The following OPTN variants were observed in gnomAD, a reference collection of about 807,000 sequenced individuals.
OPTN encodes the protein optineurin.
Under a neutral mutation model 70.4 loss-of-function variants are expected in OPTN, and 54 were observed. That is an observed-to-expected ratio of 0.77 (90% CI 0.62 to 0.96). OPTN has a LOEUF of 0.96. Ranked by LOEUF, OPTN falls within the 40% of genes least tolerant of loss-of-function variation. The pLI, the probability that OPTN is intolerant of heterozygous loss-of-function variation, is 0.00. For missense variants in OPTN, 624 were observed against 673.2 expected (o/e 0.93, Z 0.81); for synonymous variants, 256 against 248.5 (o/e 1.03, Z -0.28).
chr10:13,104,884 G>T (rs138434140), intron 1 of OPTN: 1 of 296,556 alleles, frequency 3.4e-6, no homozygotes, highest in East Asian at 7.9e-5. Context: ...GGGCCCGACC[G>T]CAGGACCGGG....
chr10:13,122,670 G>A (rs1343756911), intron 8 of OPTN, among the ~76,000 whole-genome samples, 183 bp downstream of exon 8: 1 of 152,100 alleles, frequency 6.6e-6, no homozygotes, highest in African/African-American at 2.4e-5. Flanking sequence ...GTAGCGAGAT[G>A]TATTTCTTTT....
rs1218269761 is a variant in OPTN, at chr10:13,126,006, A to C, written c.1209A>C (p.Ala403=). 1 of 1,611,846 alleles carries C rather than the reference A, an allele frequency of 6.2e-7. No homozygotes were observed. Among genetic ancestry groups the C allele is most frequent in the African/African-American group, 1.3e-5 (1 of 74,890 alleles). Residue 403 remains alanine, a synonymous_variant, in exon 11 of 15, where the codon GCA becomes GCC. Transcript: ENST00000378747. ...AGCTTCTTCAAGAACATAATAATGC[A>C]TTGAAAACAATTGAGGAACTAACAA... The part of the protein sequence containing the change: ...HNKLLQEHNN[A]LKTIEELTRK...
intron 11 of OPTN, among the ~76,000 whole-genome samples, chr10:13,127,512 T>A (rs10796028): frequency 2.6e-5 from 4 of 151,998 alleles, no homozygotes; most frequent in African/African-American, 9.7e-5. Context: ...TTAGCGTTGC[T>A]GATTAATAGA....
chr10:13,131,853 GTGT>G lies in OPTN; in HGVS notation c.1402-209_1402-207del, dbSNP rs539730624. Among the ~76,000 whole-genome samples the G allele has an allele frequency of 5.3e-5, 8 of 152,284 alleles. No individual in the cohort carries two copies. In the South Asian group the frequency reaches 1.7e-3, roughly 32 times the overall value. ...CTATATCAGTGCAGTTGCAGGATTT[GTGT>G]TGTTTAAAGCACACACACAAACACA... On this transcript the variant is annotated intron_variant, in intron 12 of 14. Coordinates refer to ENST00000378747, the MANE Select transcript of OPTN (RefSeq NM_001008212.2).
chr10:13,136,632 A>T, intron 14 of OPTN, 113 bp from the exon 15 acceptor site: 1 of 1,249,912 alleles, frequency 8.0e-7, no homozygotes, highest in Non-Finnish European at 1.1e-6. Flanking sequence ...ATGTCCCACT[A>T]CGTGTTGAAT....
intron 14 of OPTN, among the ~76,000 whole-genome samples, chr10:13,134,127 C>T (rs1490547044): frequency 6.6e-6 from 1 of 152,186 alleles, no homozygotes; most frequent in Non-Finnish European, 1.5e-5. Flanking sequence ...CACTTTTAAA[C>T]CGTGTCTCCC....
At chr10:13,126,358 G>A (rs1833462844) in intron 11 of OPTN, among the ~76,000 whole-genome samples, 1 of 149,946 alleles carries the variant, frequency 6.7e-6, no homozygotes, top group Non-Finnish European at 1.5e-5. Context: ...TCGGCTCACT[G>A]CAAGCTCCGC....
chr10:13,133,417 C>T (rs756519972), intron 13 of OPTN, 85 bp from the exon 14 acceptor site: 27 of 1,205,132 alleles, frequency 2.2e-5, no homozygotes, highest in African/African-American at 9.0e-5. Context: ...TCTTTTTTCC[C>T]CTACTTCTGT....
Position 13,114,797 on chromosome 10 carries a change from T to C in OPTN, c.553-1470T>C, listed in dbSNP as rs1247132251. ...ATATAATTATATAATTATATAATTA[T>C]ATATACATATATATAATTATATAAT... On this transcript the variant is annotated intron_variant, in intron 5 of 14. Transcript: ENST00000378747. Among the ~76,000 whole-genome samples, 7 of 83,762 alleles carry C rather than the reference T, an allele frequency of 8.4e-5. 2 individuals are homozygous for C. The East Asian group carries it at 2.2e-3, about 27-fold the overall frequency. The allele number at this position is 83,762 out of a possible 152,430, so 55.0% of individuals were successfully genotyped here.
chr10:13,103,040 A>G (rs745391542), intron 1 of OPTN, among the ~76,000 whole-genome samples: 12 of 152,110 alleles, frequency 7.9e-5, no homozygotes, highest in Non-Finnish European at 1.5e-4. Context: ...GGGAAGAATC[A>G]AGCCTTACTC....
intron 1 of OPTN, among the ~76,000 whole-genome samples, chr10:13,101,456 G>T (rs1376051803): frequency 1.7e-5 from 2 of 118,608 alleles, no homozygotes; most frequent in Non-Finnish European, 3.2e-5. Context: ...ACTGGACACT[G>T]TATTATGTCC....
chr10:13,137,115 CCAAAATTA>C lies in OPTN; in HGVS notation c.*255_*262del. 1 of 491,822 alleles carries C rather than the reference CCAAAATTA, an allele frequency of 2.0e-6. No individual in the cohort carries two copies. Among genetic ancestry groups the C allele is most frequent in the Non-Finnish European group, 3.7e-6 (1 of 267,780 alleles). 30.5% of individuals were successfully genotyped at this position (491,822 alleles called of 1,614,324 possible). A position where few individuals can be genotyped will look rare whatever the true frequency, so the allele number is the denominator to read the frequency against. ...CCAACATGGCGGAACCCTGTCTCTA[CCAAAATTA>C]CAAAAATTAGCCGAGCATGGTGGCG... On this transcript the variant is annotated 3_prime_UTR_variant, in exon 15 of 15. Coordinates refer to ENST00000378747, the MANE Select transcript of OPTN (RefSeq NM_001008212.2).
intron 7 of OPTN, among the ~76,000 whole-genome samples, chr10:13,120,276 C>T (rs1833317376): frequency 6.6e-6 from 1 of 152,102 alleles, no homozygotes; most frequent in Non-Finnish European, 1.5e-5. Flanking sequence ...GCGTGAGCCA[C>T]CGCGCCCGGC....
chr10:13,106,427 T>C lies in OPTN; in HGVS notation c.-163-1711T>C, dbSNP rs115961919. On this transcript the variant is annotated intron_variant, in intron 1 of 14. Coordinates refer to ENST00000378747, the MANE Select transcript of OPTN (RefSeq NM_001008212.2). ...TGGAACACTTCTGCATTATACCTGT[T>C]TTCTAAGTGAATTTGGGTGTGTGAC... Among the ~76,000 whole-genome samples the C allele has an allele frequency of 5.7e-3, 876 of 152,348 alleles. 8 individuals are homozygous for C. The highest frequency in any genetic ancestry group is 0.02 in the African/African-American group (838 of 41,580).
At chr10:13,130,223 G>A (rs1227133618) in intron 12 of OPTN, among the ~76,000 whole-genome samples, 4 of 151,792 alleles carry the variant, frequency 2.6e-5, no homozygotes, top group Admixed American at 6.6e-5. Flanking sequence ...TCAGGAGTTC[G>A]AGACCAACCT....
In OPTN at chr10:13,136,634, G is replaced by A. The variant is rs1271668675; in HGVS notation, c.1613-111G>A. 6 of 1,278,228 alleles carry A rather than the reference G, an allele frequency of 4.7e-6. No individual in the cohort carries two copies. In the Admixed American group the frequency reaches 5.8e-5, roughly 12 times the overall value. 79.2% of individuals were successfully genotyped at this position (1,278,228 alleles called of 1,614,324 possible). On this transcript the variant is annotated intron_variant, in intron 14 of 14. Transcript: ENST00000378747. ...AACACCTGTGCTCATGTCCCACTACGTGTTGAATACGAAGTTGAACTGATG... is the reference window on the plus strand; with the variant it reads ...AACACCTGTGCTCATGTCCCACTACATGTTGAATACGAAGTTGAACTGATG...
chr10:13,129,259 T>C (rs1833539021), intron 12 of OPTN, among the ~76,000 whole-genome samples: 1 of 152,188 alleles, frequency 6.6e-6, no homozygotes, highest in Admixed American at 6.5e-5. Flanking sequence ...CTTGTGTCCA[T>C]ATATGCATGG....
intron 2 of OPTN, among the ~76,000 whole-genome samples, 189 bp downstream of exon 2, chr10:13,108,478 A>G (rs1388273534): frequency 6.6e-6 from 1 of 151,734 alleles, no homozygotes; most frequent in Non-Finnish European, 1.5e-5. Context: ...ATGTCTACAT[A>G]TATCCTGATC....
At chr10:13,102,786 T>G (rs1165532422) in intron 1 of OPTN, among the ~76,000 whole-genome samples, 1 of 151,818 alleles carries the variant, frequency 6.6e-6, no homozygotes, top group East Asian at 1.9e-4. Flanking sequence ...CTACTAAAAA[T>G]ACAAAAATTA....
Sources: allele counts gnomAD v4.1 joint callset (sites outside exome capture counted in the v4.1 genomes callset), GRCh38; gene constraint gnomAD v4.1.1; transcripts MANE v1.5; gene names NCBI Gene and HGNC (gene_info 2026-07-23, HGNC 2026-07-21).